The following NR6A1 variants were observed in gnomAD, a reference collection of about 807,000 sequenced individuals.
NR6A1 encodes the protein nuclear receptor subfamily 6 group A member 1, also known as retinoic acid receptor-related testis-associated receptor.
A neutral mutation model predicts 59.1 loss-of-function variants in NR6A1; 7 were observed. That is an observed-to-expected ratio of 0.12 (90% CI 0.07 to 0.22). NR6A1 has a LOEUF of 0.22. NR6A1 is among the 10% of genes least tolerant of loss of function. The pLI is 1.00. For synonymous variants in NR6A1, 243 were observed against 236.1 expected (o/e 1.03, Z -0.27); for missense variants, 468 against 611.6 (o/e 0.77, Z 2.48).
At chr9:124,678,500 A>G (rs1327085188) in intron 2 of NR6A1, among the ~76,000 whole-genome samples, 1 of 152,196 alleles carries the variant, frequency 6.6e-6, no homozygotes, top group African/African-American at 2.4e-5. Context: ...CAGAAGATGT[A>G]AGTGTAATAA....
intron 2 of NR6A1, among the ~76,000 whole-genome samples, chr9:124,609,459 T>G (rs978252407): frequency 6.6e-6 from 1 of 152,208 alleles, no homozygotes; most frequent in Non-Finnish European, 1.5e-5. Context: ...TCCTGTTCCA[T>G]TGGTCTATGT....
chr9:124,603,154 T>A (rs1419411508), intron 2 of NR6A1, among the ~76,000 whole-genome samples: 1 of 152,170 alleles, frequency 6.6e-6, no homozygotes, highest in East Asian at 1.9e-4. Context: ...ACTCATCACG[T>A]AGTATTTTTA....
intron 2 of NR6A1, among the ~76,000 whole-genome samples, chr9:124,729,334 ATATTTT>A (rs1268689692): frequency 6.6e-6 from 1 of 152,216 alleles, no homozygotes; most frequent in Non-Finnish European, 1.5e-5. Flanking sequence ...AGTTTTGATT[ATATTTT>A]TATATTTGTA....
chr9:124,726,843 C>T (rs1839735460), intron 2 of NR6A1, among the ~76,000 whole-genome samples: 1 of 152,200 alleles, frequency 6.6e-6, no homozygotes, highest in South Asian at 2.1e-4. Flanking sequence ...ATTCGTAACA[C>T]ACCAACAAGT....
intron 2 of NR6A1, among the ~76,000 whole-genome samples, chr9:124,568,977 G>A (rs911316977): frequency 2.0e-5 from 3 of 151,798 alleles, no homozygotes; most frequent in African/African-American, 7.3e-5. Context: ...GCCAGGCATG[G>A]TGGCGGGCGC....
At chr9:124,691,951 T>C (rs186938427) in intron 2 of NR6A1, among the ~76,000 whole-genome samples, 5 of 152,322 alleles carry the variant, frequency 3.3e-5, no homozygotes, top group Admixed American at 2.6e-4. Flanking sequence ...GTAAGTTCTG[T>C]AGTAGACAAC....
intron 2 of NR6A1, among the ~76,000 whole-genome samples, chr9:124,672,373 T>C (rs1424902091): frequency 1.3e-5 from 2 of 152,096 alleles, no homozygotes; most frequent in African/African-American, 4.8e-5. Context: ...TCCCAGCACT[T>C]TGGGAGGCCG....
chr9:124,727,463 T>A (rs1256415459), intron 2 of NR6A1, among the ~76,000 whole-genome samples: 1 of 152,230 alleles, frequency 6.6e-6, no homozygotes, highest in Non-Finnish European at 1.5e-5. Flanking sequence ...ATTATTGTAT[T>A]ATAACTAGCA....
rs58609931 is a variant in NR6A1, at chr9:124,711,187, T to TAA, written c.142+22119_142+22120dup. On this transcript the variant is annotated intron_variant, in intron 2 of 9. Transcript: ENST00000487099. ...TTACATGCCTAAGTCAGCTAAGGTT[T>TAA]AAAAAAAAAAAAAAAAAAAAAAAAA... is the stretch of plus-strand genomic sequence containing the variant. Among the ~76,000 whole-genome samples the TAA allele has an allele frequency of 1.4e-3, 95 of 66,484 alleles. 3 individuals carry two copies. Among genetic ancestry groups the TAA allele is most frequent in the East Asian group, 6.6e-3 (15 of 2,272 alleles). 43.6% of individuals were successfully genotyped at this position (66,484 alleles called of 152,430 possible).
chr9:124,763,406 ATGTCT>A (rs746837243), intron 1 of NR6A1, among the ~76,000 whole-genome samples: 3 of 152,238 alleles, frequency 2.0e-5, no homozygotes, highest in Non-Finnish European at 4.4e-5. Flanking sequence ...AAGGCAAATG[ATGTCT>A]TAGCATTACG....
chr9:124,668,221 A>G (rs1369041872), intron 2 of NR6A1, among the ~76,000 whole-genome samples: 2 of 152,194 alleles, frequency 1.3e-5, no homozygotes, highest in African/African-American at 2.4e-5. Flanking sequence ...TATATTTACT[A>G]TTCATTAAGG....
intron 1 of NR6A1, among the ~76,000 whole-genome samples, chr9:124,745,612 A>C (rs925265760): frequency 1.3e-5 from 2 of 151,576 alleles, no homozygotes; most frequent in African/African-American, 4.9e-5. Flanking sequence ...CAGAGGTTGC[A>C]GTGAGCCAAG....
At chr9:124,671,410 A>C (rs1199052459) in intron 2 of NR6A1, among the ~76,000 whole-genome samples, 1 of 152,172 alleles carries the variant, frequency 6.6e-6, no homozygotes, top group Non-Finnish European at 1.5e-5. Context: ...GCAAGGCACC[A>C]TAAGGTTTCA....
intron 2 of NR6A1, among the ~76,000 whole-genome samples, chr9:124,566,694 T>C (rs1373818215): frequency 2.6e-5 from 4 of 152,090 alleles, no homozygotes; most frequent in East Asian, 1.9e-4. Flanking sequence ...GAGGAGGGGA[T>C]AGGAAAGTGG....
At chr9:124,622,899 G>A (rs1479208724) in intron 2 of NR6A1, among the ~76,000 whole-genome samples, 1 of 152,178 alleles carries the variant, frequency 6.6e-6, no homozygotes, top group Non-Finnish European at 1.5e-5. Context: ...TTTGCAGAGA[G>A]AAATGGACCT....
At chr9:124,693,647 G>A in intron 2 of NR6A1, 1 of 519,934 alleles carries the variant, frequency 1.9e-6, no homozygotes, top group East Asian at 5.6e-5. Context: ...AAAGAACTGA[G>A]ATGGAAAAGA....
intron 3 of NR6A1, among the ~76,000 whole-genome samples, chr9:124,547,976 A>G (rs1833650340): frequency 6.6e-6 from 1 of 152,176 alleles, no homozygotes; most frequent in Non-Finnish European, 1.5e-5. Context: ...TGTCAGGTTA[A>G]ATTTCCTGAT....
At chr9:124,664,214 G>T (rs1837533678) in intron 2 of NR6A1, among the ~76,000 whole-genome samples, 1 of 152,140 alleles carries the variant, frequency 6.6e-6, no homozygotes, top group Non-Finnish European at 1.5e-5. Flanking sequence ...CCAAATAAGT[G>T]AAAAATGCTG....
At chr9:124,619,730 C>A (rs1836006806) in intron 2 of NR6A1, among the ~76,000 whole-genome samples, 1 of 152,100 alleles carries the variant, frequency 6.6e-6, no homozygotes, top group South Asian at 2.1e-4. Context: ...GAGGGGGGCA[C>A]ATATTGCCTT....
Sources: gnomAD v4.1 joint callset for allele counts (sites outside exome capture counted in the v4.1 genomes callset) on GRCh38, gnomAD v4.1.1 for gene constraint, MANE v1.5 for transcripts, NCBI Gene and HGNC (gene_info 2026-07-23, HGNC 2026-07-21) for gene names.